The following PTDSS1 variants were observed in gnomAD, a reference collection of about 807,000 sequenced individuals.
PTDSS1 encodes the protein PSS-1.
A neutral mutation model predicts 70.5 loss-of-function variants in PTDSS1; 45 were observed. That is an observed-to-expected ratio of 0.64 (90% CI 0.50 to 0.82). PTDSS1 has a LOEUF of 0.82. Among genes scored for constraint, PTDSS1 ranks in the 40% least tolerant of loss-of-function variants. The pLI, the probability that PTDSS1 is intolerant of heterozygous loss-of-function variation, is 0.00. For synonymous variants in PTDSS1, 188 were observed against 203.8 expected (o/e 0.92, Z 0.66); for missense variants, 417 against 586.1 (o/e 0.71, Z 2.98).
At chr8:96,312,477 TAAA>T (rs1234075860) in intron 9 of PTDSS1, among the ~76,000 whole-genome samples, 24 of 137,920 alleles carry the variant, frequency 1.7e-4, no homozygotes, top group Non-Finnish European at 2.5e-4. Flanking sequence ...TTTTTTTTTT[TAAA>T]AAAAAAAGGA....
At chr8:96,284,917 C>T (rs1810800369) in intron 3 of PTDSS1, among the ~76,000 whole-genome samples, 1 of 152,216 alleles carries the variant, frequency 6.6e-6, no homozygotes. Context: ...ACTTTTCACT[C>T]AGCAGCCATT....
At chr8:96,313,605 GC>G (rs1311303131) in intron 9 of PTDSS1, among the ~76,000 whole-genome samples, 5 of 152,234 alleles carry the variant, frequency 3.3e-5, no homozygotes, top group Non-Finnish European at 7.3e-5. Context: ...GTGCACAGTT[GC>G]TTTTCCTCTT....
At chr8:96,285,234 A>G (rs1810805043) in intron 3 of PTDSS1, among the ~76,000 whole-genome samples, 1 of 152,222 alleles carries the variant, frequency 6.6e-6, no homozygotes, top group Non-Finnish European at 1.5e-5. Flanking sequence ...GCCTGCAAAG[A>G]TTCTGGGGGA....
At chr8:96,314,813 G>T (rs931785844) in intron 9 of PTDSS1, among the ~76,000 whole-genome samples, 5 of 152,062 alleles carry the variant, frequency 3.3e-5, no homozygotes, top group African/African-American at 1.2e-4. Context: ...AGCCAGGATG[G>T]TCTCGATCTC....
In PTDSS1 at chr8:96,311,059, C is replaced by T. The variant is rs558747672; in HGVS notation, c.1073+1437C>T. Among the ~76,000 whole-genome samples, 24 of 152,212 alleles carry T rather than the reference C, an allele frequency of 1.6e-4. 1 individual carries two copies. The highest frequency in any genetic ancestry group is 3.5e-4 in the Non-Finnish European group (24 of 68,042). ...GGGATTACAGGCTTGAGCCACTGCG[C>T]CCGGCCTTAAATGTTATATTTTAAT... is the stretch of plus-strand genomic sequence containing the variant. On this transcript the variant is annotated intron_variant, in intron 9 of 12. Coordinates refer to ENST00000517309, the MANE Select transcript of PTDSS1 (RefSeq NM_014754.3).
At chr8:96,323,211 C>T (rs1811395812) in intron 10 of PTDSS1, among the ~76,000 whole-genome samples, 2 of 152,230 alleles carry the variant, frequency 1.3e-5, no homozygotes, top group African/African-American at 4.8e-5. Context: ...TCAGTTCTTC[C>T]AGGCGGGAGT....
intron 12 of PTDSS1, among the ~76,000 whole-genome samples, chr8:96,332,596 C>G (rs992447057): frequency 3.3e-5 from 5 of 152,230 alleles, no homozygotes; most frequent in Non-Finnish European, 7.3e-5. Flanking sequence ...TATTTAGAAC[C>G]ATGCCCTTAC....
chr8:96,268,791 T>A (rs1810522133), intron 1 of PTDSS1, among the ~76,000 whole-genome samples: 1 of 152,312 alleles, frequency 6.6e-6, no homozygotes, highest in South Asian at 2.1e-4. Context: ...TATTTGCTGA[T>A]GGTCTCAATA....
rs777085636 is a variant in PTDSS1 at position 96,334,712 on chromosome 8, A to G, written c.*1146A>G. The G allele has an allele frequency of 1.3e-5, 2 of 152,252 alleles. No homozygotes were observed. The highest frequency in any genetic ancestry group is 4.8e-5 in the African/African-American group (2 of 41,460). The allele number at this position is 152,252 out of a possible 1,614,324, so 9.4% of individuals were successfully genotyped here. On this transcript the variant is annotated 3_prime_UTR_variant, in exon 13 of 13. Coordinates refer to ENST00000517309, the MANE Select transcript of PTDSS1 (RefSeq NM_014754.3). The stretch of plus-strand genomic sequence containing the variant: ...TGTATTTTAAAGGGCTTACAGACAT[A>G]TATGTCCTACTTCTTAGACTACCCA...
At chr8:96,271,242 G>A (rs1314945527) in intron 1 of PTDSS1, among the ~76,000 whole-genome samples, 1 of 152,140 alleles carries the variant, frequency 6.6e-6, no homozygotes, top group Non-Finnish European at 1.5e-5. Context: ...TAAATTATAA[G>A]CTACATACCC....
chr8:96,319,054 C>T (rs1811336658), intron 9 of PTDSS1, among the ~76,000 whole-genome samples: 1 of 151,960 alleles, frequency 6.6e-6, no homozygotes, highest in East Asian at 1.9e-4. Flanking sequence ...GCTGGGACTA[C>T]AGGTGTGTGC....
chr8:96,315,767 C>T (rs1811279349), intron 9 of PTDSS1, among the ~76,000 whole-genome samples: 1 of 152,154 alleles, frequency 6.6e-6, no homozygotes, highest in Non-Finnish European at 1.5e-5. Context: ...TGGTGGATGG[C>T]ATCAAAGGGA....
intron 4 of PTDSS1, 70 bp from the exon 5 acceptor site, chr8:96,295,028 A>C (rs192219429): frequency 7.0e-7 from 1 of 1,419,020 alleles, no homozygotes; most frequent in African/African-American, 1.4e-5. Flanking sequence ...CTTTTTATTT[A>C]CCGGCAGAAT....
chr8:96,277,123 A>C (rs558720627), intron 2 of PTDSS1, among the ~76,000 whole-genome samples: 28 of 152,364 alleles, frequency 1.8e-4, no homozygotes, highest in Admixed American at 1.6e-3. Flanking sequence ...GGATTGGGAC[A>C]TTAGTCAGCA....
chr8:96,286,924 G>C, intron 3 of PTDSS1, 98 bp from the exon 4 acceptor site: 4 of 1,447,758 alleles, frequency 2.8e-6, no homozygotes, highest in Non-Finnish European at 3.8e-6. Flanking sequence ...TGCAATCTTA[G>C]TGTCTGGTTT....
intron 5 of PTDSS1, among the ~76,000 whole-genome samples, chr8:96,296,733 G>C (rs149172137): frequency 3.3e-5 from 5 of 152,288 alleles, no homozygotes; most frequent in Admixed American, 2.0e-4. Context: ...CTGTACAGGT[G>C]GGGGATCTGG....
At chr8:96,327,286 C>G (rs894809382) in intron 10 of PTDSS1, among the ~76,000 whole-genome samples, 3 of 152,074 alleles carry the variant, frequency 2.0e-5, no homozygotes, top group African/African-American at 4.8e-5. Context: ...GCTGGGATAC[C>G]TTAATAAGAG....
intron 1 of PTDSS1, among the ~76,000 whole-genome samples, chr8:96,265,175 T>C (rs556828944): frequency 8.5e-5 from 13 of 152,346 alleles, no homozygotes; most frequent in Middle Eastern, 6.8e-3. Flanking sequence ...AGTTGGACAA[T>C]TGTTCAGTGC....
chr8:96,272,546 G>A (rs1001160470), intron 1 of PTDSS1, among the ~76,000 whole-genome samples: 40 of 152,118 alleles, frequency 2.6e-4, no homozygotes, highest in Admixed American at 4.6e-4. Context: ...TGGCTTGGGG[G>A]AACAATCATT....
Sources: allele counts gnomAD v4.1 joint callset (sites outside exome capture counted in the v4.1 genomes callset), GRCh38; gene constraint gnomAD v4.1.1; transcripts MANE v1.5; gene names NCBI Gene and HGNC (gene_info 2026-07-23, HGNC 2026-07-21).